Variants in TENT2 observed in about 807,000 individuals in gnomAD.
The protein encoded by TENT2 is terminal nucleotidyltransferase 2, also known as poly(A) RNA polymerase GLD2.
TENT2 carries 44 observed loss-of-function variants against 72.2 expected under a neutral mutation model. The observed-to-expected ratio is 0.61, with a 90% CI of 0.48 to 0.78. The LOEUF is 0.78. Among genes scored for constraint, TENT2 ranks in the 30% least tolerant of loss-of-function variants. The probability of loss-of-function intolerance (pLI) is 0.00; values close to 1 mark genes in which losing one functional copy is unlikely to be tolerated. For synonymous variants in TENT2, 212 were observed against 192.5 expected (o/e 1.10, Z -0.84); for missense variants, 541 against 569.6 (o/e 0.95, Z 0.51).
At chr5:79,681,409 C>G (rs900988268) in intron 13 of TENT2, among the ~76,000 whole-genome samples, 2 of 151,968 alleles carry the variant, frequency 1.3e-5, no homozygotes, top group African/African-American at 4.8e-5. Flanking sequence ...CCACCCACCT[C>G]AGGCTCCCAA....
At position 79,642,379 on chromosome 5, in the gene TENT2, C is replaced by T. The variant is rs114063552; in HGVS notation, c.673-453C>T. 3.7e-3 allele frequency among the ~76,000 whole-genome samples: 569 copies of T among 152,172 alleles called. 2 individuals are homozygous for T. The highest frequency in any genetic ancestry group is 0.013 in the African/African-American group (524 of 41,542). ...TTCGTGCTGCTAGATTATACTCAAG[C>T]ACATCCCACTCATCCTCTAGTGTTA... On this transcript the variant is annotated intron_variant, in intron 6 of 14. Transcript: ENST00000453514.
intron 1 of TENT2, 141 bp from the exon 2 acceptor site, chr5:79,619,471 C>T: frequency 6.0e-6 from 3 of 503,314 alleles, no homozygotes; most frequent in Non-Finnish European, 6.7e-6. Context: ...CCTACAGTGG[C>T]ACTTAGGAGA....
chr5:79,669,084 A>ATG (rs1810830262), intron 12 of TENT2, 56 bp downstream of exon 12: 15 of 1,526,786 alleles, frequency 9.8e-6, no homozygotes, highest in Non-Finnish European at 1.1e-5. Context: ...GTGTGTATGT[A>ATG]TGTATATATA....
In TENT2 at chr5:79,687,285, T is replaced by C. The variant is rs1580733504; in HGVS notation, c.*2012T>C. Among the ~76,000 whole-genome samples, 1 of 152,310 alleles carries C rather than the reference T, an allele frequency of 6.6e-6. No homozygotes were observed. The highest frequency in any genetic ancestry group is 1.9e-4 in the East Asian group (1 of 5,186). On this transcript the variant is annotated 3_prime_UTR_variant, in exon 15 of 15. Coordinates refer to ENST00000453514, the MANE Select transcript of TENT2 (RefSeq NM_001114394.3). Reference sequence around the variant, plus strand: ...TAATATATGAGAGAATTTTCTGGACTTTTAAGTTATTAATCTCAATTATTT... The same window carrying C: ...TAATATATGAGAGAATTTTCTGGACCTTTAAGTTATTAATCTCAATTATTT...
intron 11 of TENT2, among the ~76,000 whole-genome samples, chr5:79,658,358 C>CTT (rs35709204): frequency 1.4e-5 from 2 of 143,074 alleles, no homozygotes; most frequent in Non-Finnish European, 3.1e-5. Context: ...TTTATTTATT[C>CTT]TTTTTTTTTT....
intron 4 of TENT2, among the ~76,000 whole-genome samples, chr5:79,629,173 A>C (rs2150131768): frequency 6.6e-6 from 1 of 152,342 alleles, no homozygotes; most frequent in Middle Eastern, 3.4e-3. Flanking sequence ...TTGTTGTGAC[A>C]GTTATAATTC....
chr5:79,619,395 A>C (rs1762970627), intron 1 of TENT2, among the ~76,000 whole-genome samples: 1 of 152,200 alleles, frequency 6.6e-6, no homozygotes, highest in South Asian at 2.1e-4. Context: ...AGAAATGTGC[A>C]TATATCTTGC....
At chr5:79,669,908 G>A (rs1432595456) in intron 12 of TENT2, among the ~76,000 whole-genome samples, 2 of 151,946 alleles carry the variant, frequency 1.3e-5, no homozygotes, top group Non-Finnish European at 1.5e-5. Context: ...GGGAAGTAAC[G>A]TGCTCCAAGA....
chr5:79,620,114 A>G (rs1763579918), intron 3 of TENT2, 31 bp downstream of exon 3: 1 of 1,443,136 alleles, frequency 6.9e-7, no homozygotes, highest in Non-Finnish European at 9.6e-7. Flanking sequence ...TTAAAAGAAT[A>G]TTTTTGCATT....
chr5:79,644,347 C>G (rs1405598760), intron 7 of TENT2, among the ~76,000 whole-genome samples: 2 of 151,952 alleles, frequency 1.3e-5, no homozygotes, highest in Non-Finnish European at 2.9e-5. Context: ...TTAAAAAATC[C>G]CGGTACTACT....
At chr5:79,662,435 G>A (rs944699671) in intron 11 of TENT2, among the ~76,000 whole-genome samples, 2 of 152,098 alleles carry the variant, frequency 1.3e-5, no homozygotes, top group African/African-American at 2.4e-5. Flanking sequence ...ATTCATTAGT[G>A]GAATCACTAT....
chr5:79,629,351 C>T (rs187981209), intron 4 of TENT2, among the ~76,000 whole-genome samples: 87 of 152,236 alleles, frequency 5.7e-4, no homozygotes, highest in African/African-American at 1.9e-3. Flanking sequence ...GCTAGAGATA[C>T]GGATTCTTAA....
At chr5:79,642,739 C>G in intron 6 of TENT2, 93 bp from the exon 7 acceptor site, 1 of 952,476 alleles carries the variant, frequency 1.0e-6, no homozygotes, top group Non-Finnish European at 1.6e-6. Flanking sequence ...GAAAGTATAT[C>G]TTGTATGTTT....
intron 7 of TENT2, among the ~76,000 whole-genome samples, chr5:79,644,084 C>A (rs114878198): frequency 0.066 from 10,009 of 151,556 alleles, 452 homozygotes; most frequent in South Asian, 0.12. Context: ...CTGGTTTAAG[C>A]GATTCTCATG....
At chr5:79,619,825 T>C (rs750341817) in intron 2 of TENT2, 40 bp downstream of exon 2, 3 of 1,586,096 alleles carry the variant, frequency 1.9e-6, no homozygotes, top group Admixed American at 1.8e-5. Flanking sequence ...GTTGGTAAAT[T>C]TCATTTTCTA....
intron 12 of TENT2, among the ~76,000 whole-genome samples, chr5:79,675,103 A>C (rs1056349766): frequency 1.3e-5 from 2 of 152,208 alleles, no homozygotes; most frequent in Admixed American, 6.5e-5. Context: ...ACAGGGTAAA[A>C]TTAGAGTGTT....
intron 4 of TENT2, among the ~76,000 whole-genome samples, chr5:79,626,949 G>T (rs1049417642): frequency 1.3e-5 from 2 of 151,780 alleles, no homozygotes; most frequent in African/African-American, 4.8e-5. Flanking sequence ...GGCCAATATG[G>T]TGAAACCCCG....
At chr5:79,628,608 T>C (rs1029659266) in intron 4 of TENT2, among the ~76,000 whole-genome samples, 15 of 152,188 alleles carry the variant, frequency 9.9e-5, no homozygotes, top group Admixed American at 7.2e-4. Context: ...GAAAGAGACA[T>C]GAATGACTTC....
intron 14 of TENT2, among the ~76,000 whole-genome samples, chr5:79,682,404 C>T (rs1199617089): frequency 6.6e-6 from 1 of 151,970 alleles, no homozygotes; most frequent in Non-Finnish European, 1.5e-5. Context: ...CTCAGCCTCC[C>T]AGATAGCTTG....
Sources: allele counts gnomAD v4.1 joint callset (sites outside exome capture counted in the v4.1 genomes callset), GRCh38; gene constraint gnomAD v4.1.1; transcripts MANE v1.5; gene names NCBI Gene and HGNC (gene_info 2026-07-23, HGNC 2026-07-21).